NFRKB: variants seen among roughly 807,000 people sequenced by gnomAD.
NFRKB encodes the protein nuclear factor related to kappa-B-binding protein.
NFRKB carries 62 observed loss-of-function variants against 135.7 expected under a neutral mutation model. That is an observed-to-expected ratio of 0.46 (90% CI 0.37 to 0.56). The LOEUF (loss-of-function observed/expected upper bound fraction) is 0.56, where lower values mean the gene tolerates loss of function less well. NFRKB is among the 20% of genes least tolerant of loss of function. The pLI is 0.00. For missense variants in NFRKB, 1,545 were observed against 1,662.0 expected (o/e 0.93, Z 1.22); for synonymous variants, 678 against 635.6 (o/e 1.07, Z -1.00).
intron 9 of NFRKB, 149 bp from the exon 10 acceptor site, chr11:129,882,780 A>G: frequency 2.4e-6 from 2 of 838,142 alleles, no homozygotes; most frequent in Non-Finnish European, 3.7e-6. Flanking sequence ...TCATTGAGTG[A>G]TTTATAGCTT....
chr11:129,874,056 G>C lies in NFRKB; in HGVS notation c.2280-41C>G, dbSNP rs1409569352. 5.0e-6 allele frequency: 8 copies of C among 1,600,392 alleles called. No individual in the cohort carries two copies. The highest frequency in any genetic ancestry group is 6.0e-6 in the Non-Finnish European group (7 of 1,169,972). ...GGGAAAGACAAAAAACAAAAACTTA[G>C]GACATGCATACAAAAGAACTCTAGA... On this transcript the variant is annotated intron_variant, in intron 21 of 26. Coordinates refer to ENST00000682444, the MANE Select transcript of NFRKB (RefSeq NM_001143835.2). The surrounding 1 kb of genome is among the most constrained non-coding windows in gnomAD (Gnocchi z 4.5).
chr11:129,890,028 T>G (rs1040575793), intron 3 of NFRKB, among the ~76,000 whole-genome samples: 1 of 103,542 alleles, frequency 9.7e-6, no homozygotes, highest in African/African-American at 3.4e-5. Context: ...TGGGTTTTTT[T>G]GTTTTTTTTT....
intron 13 of NFRKB, among the ~76,000 whole-genome samples, chr11:129,880,913 A>G (rs976179183): frequency 1.4e-4 from 21 of 152,340 alleles, no homozygotes; most frequent in African/African-American, 5.1e-4. Flanking sequence ...AGAAGAAACC[A>G]ACACTGGATT....
At chr11:129,868,698 T>C (rs1165354931) in intron 24 of NFRKB, among the ~76,000 whole-genome samples, 2 of 152,206 alleles carry the variant, frequency 1.3e-5, no homozygotes, top group African/African-American at 4.8e-5. Context: ...TCAGTATCTG[T>C]GTATGGCCTA....
intron 4 of NFRKB, 36 bp from the exon 5 acceptor site, chr11:129,886,480 C>G (rs767723481): frequency 1.3e-6 from 2 of 1,586,564 alleles, no homozygotes; most frequent in African/African-American, 2.7e-5. Flanking sequence ...TTACATCAAT[C>G]AACAAATATA....
intron 24 of NFRKB, among the ~76,000 whole-genome samples, chr11:129,867,019 T>C (rs569768904): frequency 9.8e-5 from 15 of 152,334 alleles, no homozygotes; most frequent in African/African-American, 2.9e-4. Flanking sequence ...CATTTACTTA[T>C]GGTTTTGTTC....
In NFRKB at chr11:129,892,890, T is replaced by G; in HGVS notation, c.-21-20A>C. 1.2e-6 allele frequency: 2 copies of G among 1,613,894 alleles called. No homozygotes were observed. Among genetic ancestry groups the G allele is most frequent in the South Asian group, 2.2e-5 (2 of 91,078 alleles). On this transcript the variant is annotated intron_variant, in intron 2 of 26. Transcript: ENST00000682444. ...GGTACTCTGGACAAAGACATGCATC[T>G]TGAGACAGAAAGGCAGAAATTCCAG...
At chr11:129,872,838 C>T in intron 23 of NFRKB, 46 bp downstream of exon 23, 1 of 1,541,290 alleles carries the variant, frequency 6.5e-7, no homozygotes, top group Non-Finnish European at 8.8e-7. Context: ...GTGGTCCCTG[C>T]TCCAGGATGA....
At chr11:129,867,903 G>C (rs140331078) in intron 24 of NFRKB, among the ~76,000 whole-genome samples, 1 of 152,190 alleles carries the variant, frequency 6.6e-6, no homozygotes, top group Non-Finnish European at 1.5e-5. Flanking sequence ...TTTCAAGCTA[G>C]TGGGGGAAGC....
At position 129,889,830 on chromosome 11, in the gene NFRKB, T is replaced by C. The variant is rs114145972; in HGVS notation, c.136-1035A>G. Among the ~76,000 whole-genome samples the C allele has an allele frequency of 6.1e-3, 920 of 151,476 alleles. 11 individuals carry two copies. Among genetic ancestry groups the C allele is most frequent in the African/African-American group, 0.021 (883 of 41,364 alleles). On this transcript the variant is annotated intron_variant, in intron 3 of 26. Transcript: ENST00000682444. Reference sequence around the variant, plus strand: ...AAAAGAATTAACACAAAAGAAAGGATAGCAGTTACCTGTGGGGGAATGGAG... The same window carrying C: ...AAAAGAATTAACACAAAAGAAAGGACAGCAGTTACCTGTGGGGGAATGGAG...
At chr11:129,876,052 A>T (rs574691961) in intron 17 of NFRKB, among the ~76,000 whole-genome samples, 15 of 152,320 alleles carry the variant, frequency 9.8e-5, no homozygotes, top group African/African-American at 3.4e-4. Context: ...TTAAACTGAA[A>T]TTAAGTATTT....
chr11:129,865,819 A>G (rs1376220290), intron 25 of NFRKB, 58 bp downstream of exon 25: 26 of 1,507,732 alleles, frequency 1.7e-5, no homozygotes, highest in Non-Finnish European at 1.8e-5. Flanking sequence ...AGGACTGGTA[A>G]GCCCTGCCTG....
chr11:129,868,068 C>T (rs1020258529), intron 24 of NFRKB, among the ~76,000 whole-genome samples: 5 of 151,586 alleles, frequency 3.3e-5, no homozygotes, highest in Non-Finnish European at 5.9e-5. Context: ...GACACAGACA[C>T]GAAACCTAGA....
chr11:129,888,582 T>G lies in NFRKB; in HGVS notation c.337+12A>C. 1 of 1,613,648 alleles carries G rather than the reference T, an allele frequency of 6.2e-7. No individual in the cohort carries two copies. Among genetic ancestry groups the G allele is most frequent in the Non-Finnish European group, 8.5e-7 (1 of 1,179,584 alleles). On this transcript the variant is annotated intron_variant, in intron 4 of 26. Transcript: ENST00000682444. ...ACCACCCCCCTCAAAGAAAGAATAC[T>G]GAGCTACAAACCTCGGAAAAGCTTC...
chr11:129,876,418 C>A (rs957099987), intron 17 of NFRKB, among the ~76,000 whole-genome samples: 1 of 152,192 alleles, frequency 6.6e-6, no homozygotes, highest in Non-Finnish European at 1.5e-5. Context: ...ATTCAAAAAG[C>A]TAAGAATCCT....
At chr11:129,876,093 T>C (rs1948753507) in intron 17 of NFRKB, among the ~76,000 whole-genome samples, 1 of 152,210 alleles carries the variant, frequency 6.6e-6, no homozygotes, top group Non-Finnish European at 1.5e-5. Flanking sequence ...GAACAAACCA[T>C]ATACTGCAGT....
At chr11:129,869,460 AAAG>A (rs767319312) in intron 24 of NFRKB, 31 bp downstream of exon 24, 4 of 1,538,398 alleles carry the variant, frequency 2.6e-6, no homozygotes, top group East Asian at 2.3e-5. Flanking sequence ...GTTTTCTAAA[AAAG>A]AAGGCCTAAG....
intron 9 of NFRKB, 150 bp from the exon 10 acceptor site, chr11:129,882,781 T>TTTATAGCTTTA: frequency 1.2e-6 from 1 of 828,446 alleles, no homozygotes; most frequent in South Asian, 1.7e-5. Flanking sequence ...CATTGAGTGA[T>TTTATAGCTTTA]TTATAGCTTT....
Position 129,873,661 on chromosome 11 carries a change from T to C in NFRKB, c.2550+84A>G. 3 of 1,542,690 alleles carry C rather than the reference T, an allele frequency of 1.9e-6. No individual in the cohort carries two copies. The African/African-American group carries it at 4.1e-5, about 21-fold the overall frequency. ...CAATAATCTATGGCTCCCCAGTCCT[T>C]ACCCAGACACTGCCCATCTGACTCA... On this transcript the variant is annotated intron_variant, in intron 22 of 26. Coordinates refer to ENST00000682444, the MANE Select transcript of NFRKB (RefSeq NM_001143835.2).
Sources: allele counts gnomAD v4.1 joint callset (sites outside exome capture counted in the v4.1 genomes callset), GRCh38; gene constraint gnomAD v4.1.1; non-coding constraint Gnocchi (gnomAD v3.1); transcripts MANE v1.5; gene names NCBI Gene and HGNC (gene_info 2026-07-23, HGNC 2026-07-21).